CACNA1B: variants seen among roughly 807,000 people sequenced by gnomAD.
CACNA1B encodes calcium voltage-gated channel subunit alpha1 B.
In CACNA1B, 70 loss-of-function variants were observed where a neutral mutation model predicts 247.2. That is an observed-to-expected ratio of 0.28 (90% confidence interval 0.23 to 0.35). The LOEUF (loss-of-function observed/expected upper bound fraction) is 0.35, where lower values mean the gene tolerates loss of function less well. CACNA1B is among the 10% of genes least tolerant of loss of function. The probability of loss-of-function intolerance (pLI) is 1.00; values close to 1 mark genes in which losing one functional copy is unlikely to be tolerated. For missense variants in CACNA1B, 2,367 were observed against 3,197.4 expected (o/e 0.74, Z 6.26); for synonymous variants, 1,231 against 1,294.4 (o/e 0.95, Z 1.05).
In CACNA1B at chr9:138,039,429, G is replaced by A. The variant is rs1959089238; in HGVS notation, c.3287-4345G>A. On this transcript the variant is annotated intron_variant, in intron 20 of 46. Transcript: ENST00000371372. The stretch of plus-strand genomic sequence containing the variant: ...TGCTTCTACTGCATAGAAATAATAA[G>A]CAGTTTCGTCTGTTGGTTCTGTGTT... Among the ~76,000 whole-genome samples, 3 of 152,132 alleles carry A rather than the reference G, an allele frequency of 2.0e-5. No individual in the cohort carries two copies. The South Asian group carries it at 6.2e-4, about 32-fold the overall frequency.
intron 20 of CACNA1B, among the ~76,000 whole-genome samples, chr9:138,035,252 A>G (rs934720565): frequency 3.3e-5 from 5 of 152,200 alleles, no homozygotes; most frequent in African/African-American, 9.7e-5. Flanking sequence ...TGAGGTCGGA[A>G]GTTTGAGACC....
chr9:137,960,209 AGGGAAGGT>A (rs1957997777), intron 10 of CACNA1B, among the ~76,000 whole-genome samples: 4 of 77,186 alleles, frequency 5.2e-5, no homozygotes, highest in Non-Finnish European at 5.3e-5. Context: ...GGGGAGGGGG[AGGGAAGGT>A]CGGCCGGAGG....
At chr9:138,081,169 G>T (rs982911930) in intron 36 of CACNA1B, among the ~76,000 whole-genome samples, 1 of 152,228 alleles carries the variant, frequency 6.6e-6, no homozygotes, top group African/African-American at 2.4e-5. Context: ...TGGCCGCAGA[G>T]ATGGGGTTCC....
chr9:138,088,959 CAAAAAAAAAAAAAAAAAAAAA>C (rs56112600), intron 36 of CACNA1B, among the ~76,000 whole-genome samples: 25 of 61,426 alleles, frequency 4.1e-4, no homozygotes, highest in South Asian at 3.1e-3. Context: ...AACTCCGTCT[CAAAAAAAAAAAAAAAAAAAAA>C]AAAAAAAAAA....
At position 137,990,571 on chromosome 9, in the gene CACNA1B, C is replaced by T. The variant is rs528556415; in HGVS notation, c.1974+3717C>T. Among the ~76,000 whole-genome samples the T allele has an allele frequency of 2.0e-5, 3 of 152,280 alleles. No individual in the cohort carries two copies. The highest frequency in any genetic ancestry group is 7.2e-5 in the African/African-American group (3 of 41,562). On this transcript the variant is annotated intron_variant, in intron 15 of 46. Transcript: ENST00000371372. This position sits in a 1 kb window ranked among gnomAD's most constrained non-coding sequence, Gnocchi z 4.5. ...AAAACCAGCACACTTAACAAAAATA[C>T]AGCCGAGGACCCTCACAGAGTCCAC...
chr9:137,960,706 G>A (rs1430842779), intron 10 of CACNA1B, among the ~76,000 whole-genome samples: 1 of 152,006 alleles, frequency 6.6e-6, no homozygotes, highest in Non-Finnish European at 1.5e-5. Context: ...TGTCGGTAGC[G>A]GTCGAGGAAA....
Position 137,986,711 on chromosome 9 carries a change from C to T in CACNA1B, c.1902-71C>T, listed in dbSNP as rs910014995. ...GCCTGAAGCGAGCAGGTTGAGGCCA[C>T]GCTGGAGCCTGCAGGCGCTGCCTCG... is the stretch of plus-strand genomic sequence containing the variant. On this transcript the variant is annotated intron_variant, in intron 14 of 46. Transcript: ENST00000371372. This position sits in a 1 kb window ranked among gnomAD's most constrained non-coding sequence, Gnocchi z 6.0. The T allele has an allele frequency of 1.9e-5, 27 of 1,424,022 alleles. No homozygotes were observed. The highest frequency in any genetic ancestry group is 1.8e-4 in the Middle Eastern group (1 of 5,696). 88.2% of individuals were successfully genotyped at this position (1,424,022 alleles called of 1,614,324 possible).
chr9:137,963,348 C>T lies in CACNA1B; in HGVS notation c.1333+5661C>T, dbSNP rs192660703. Among the ~76,000 whole-genome samples, 29 of 152,236 alleles carry T rather than the reference C, an allele frequency of 1.9e-4. No homozygotes were observed. The East Asian group carries it at 3.7e-3, about 19-fold the overall frequency. On this transcript the variant is annotated intron_variant, in intron 10 of 46. Coordinates refer to ENST00000371372, the MANE Select transcript of CACNA1B (RefSeq NM_000718.4). ...GTTCTTTAACCTGCCTGCCATTCTG[C>T]GTCTTTTAATTGGTGCATTTAGCCT...
At chr9:138,032,809 T>C (rs1264640572) in intron 20 of CACNA1B, 2 of 387,562 alleles carry the variant, frequency 5.2e-6, no homozygotes, top group African/African-American at 4.3e-5. Context: ...TCAAGATTTT[T>C]TTCCTTGTCT....
At chr9:137,935,244 C>A (rs898950073) in intron 6 of CACNA1B, among the ~76,000 whole-genome samples, 8 of 152,074 alleles carry the variant, frequency 5.3e-5, no homozygotes, top group Admixed American at 3.9e-4. Context: ...TAATGCTATG[C>A]CTCCCCCATA....
In CACNA1B at chr9:138,054,055, A is replaced by T. The variant is rs751752732; in HGVS notation, c.3968+49A>T. The T allele has an allele frequency of 1.9e-6, 3 of 1,566,670 alleles. No individual in the cohort carries two copies. The African/African-American group carries it at 4.1e-5, about 21-fold the overall frequency. On this transcript the variant is annotated intron_variant, in intron 26 of 46. Transcript: ENST00000371372. This position sits in a 1 kb window ranked among gnomAD's most constrained non-coding sequence, Gnocchi z 4.6. Reference sequence around the variant, plus strand: ...TGGGACACACAGCCCCATGATGCAGACAACACTGGGAGTTCCCTTGGGACC... The same window carrying T: ...TGGGACACACAGCCCCATGATGCAGTCAACACTGGGAGTTCCCTTGGGACC...
intron 15 of CACNA1B, among the ~76,000 whole-genome samples, chr9:138,003,187 C>CT (rs567375680): frequency 1.6e-4 from 21 of 132,230 alleles, no homozygotes; most frequent in African/African-American, 3.0e-4. Flanking sequence ...CTCCAAATTT[C>CT]TTTTTTTTTT....
chr9:137,900,154 C>T (rs1957216202), intron 3 of CACNA1B, among the ~76,000 whole-genome samples: 1 of 152,212 alleles, frequency 6.6e-6, no homozygotes, highest in African/African-American at 2.4e-5. Flanking sequence ...AGAAGCTCCT[C>T]ACAGACGGCT....
chr9:137,900,165 G>A (rs1588991660), intron 3 of CACNA1B, among the ~76,000 whole-genome samples: 1 of 152,360 alleles, frequency 6.6e-6, no homozygotes, highest in East Asian at 1.9e-4. Flanking sequence ...ACAGACGGCT[G>A]TGGAAAGGCA....
At chr9:137,906,143 G>C (rs57665606) in intron 3 of CACNA1B, among the ~76,000 whole-genome samples, 2,115 of 152,226 alleles carry the variant, frequency 0.014, 54 homozygotes, top group African/African-American at 0.047. Flanking sequence ...TGTCCAGCCT[G>C]GGTCTACACA....
At chr9:138,074,884 A>G (rs536658195) in intron 34 of CACNA1B, among the ~76,000 whole-genome samples, 2 of 152,352 alleles carry the variant, frequency 1.3e-5, no homozygotes, top group East Asian at 3.9e-4. Flanking sequence ...CGGGGGTTAC[A>G]TGCTACTGGG....
At chr9:138,067,057 A>G (rs1245533909) in intron 31 of CACNA1B, among the ~76,000 whole-genome samples, 63 of 152,222 alleles carry the variant, frequency 4.1e-4, no homozygotes, top group Admixed American at 4.1e-3. Flanking sequence ...TAGGTACAGG[A>G]GAGAGTAACG....
intron 18 of CACNA1B, among the ~76,000 whole-genome samples, chr9:138,016,913 G>C (rs1026831881): frequency 6.6e-6 from 1 of 152,218 alleles, no homozygotes; most frequent in African/African-American, 2.4e-5. Flanking sequence ...AGGGTTTGCT[G>C]TCTCACTTCA....
chr9:137,940,944 C>A (rs1564199068), intron 6 of CACNA1B, among the ~76,000 whole-genome samples: 1 of 152,102 alleles, frequency 6.6e-6, no homozygotes. Flanking sequence ...ATGACAAACC[C>A]ACAGTCAACA....
Sources: gnomAD v4.1 joint callset for allele counts (sites outside exome capture counted in the v4.1 genomes callset) on GRCh38, gnomAD v4.1.1 for gene constraint, Gnocchi (gnomAD v3.1) non-coding constraint, MANE v1.5 for transcripts, NCBI Gene and HGNC (gene_info 2026-07-23, HGNC 2026-07-21) for gene names.